Variants in LRRC9 observed in about 807,000 individuals in gnomAD.
The protein encoded by LRRC9 is leucine rich repeat containing 9.
LRRC9 carries 122 observed loss-of-function variants against 63.2 expected under a neutral mutation model. The observed-to-expected ratio is 1.93, with a 90% confidence interval of 1.67 to 2.24. The LOEUF is 2.24. Among genes scored for constraint, LRRC9 ranks in the 30% most tolerant of loss-of-function variants. The probability of loss-of-function intolerance (pLI) is 0.00; values close to 1 mark genes in which losing one functional copy is unlikely to be tolerated. For synonymous variants in LRRC9, 366 were observed against 213.1 expected, an observed-to-expected ratio of 1.72 and a Z score of -6.25; for missense variants, 1,071 against 627.7, an observed-to-expected ratio of 1.71 and a Z score of -7.55.
At chr14:59,935,691 T>C (rs564957573) in intron 6 of LRRC9, among the ~76,000 whole-genome samples, 3 of 152,154 alleles carry the variant, frequency 2.0e-5, no homozygotes, top group Non-Finnish European at 4.4e-5. Flanking sequence ...AAGACATCCT[T>C]GAGGAGCTAA....
chr14:59,992,232 C>A (rs1331640850), intron 17 of LRRC9, among the ~76,000 whole-genome samples: 1 of 152,196 alleles, frequency 6.6e-6, no homozygotes, highest in Admixed American at 6.5e-5. Context: ...CAAATTCCAA[C>A]AGACCTGCAG....
At chr14:59,992,938 A>G (rs1329459621) in intron 17 of LRRC9, among the ~76,000 whole-genome samples, 1 of 152,222 alleles carries the variant, frequency 6.6e-6, no homozygotes, top group Non-Finnish European at 1.5e-5. Context: ...CAACATTCAA[A>G]TTCAGGAAAT....
chr14:60,002,133 G>T, intron 20 of LRRC9, 33 bp downstream of exon 20: 1 of 672,882 alleles, frequency 1.5e-6, no homozygotes, highest in Non-Finnish European at 2.7e-6. Context: ...CTAATATAAA[G>T]CTTAATTTAA....
rs1356089351 is a variant in LRRC9 at position 59,930,371 on chromosome 14, A to G, written c.268-547A>G. Among the ~76,000 whole-genome samples the G allele has an allele frequency of 6.6e-6, 1 of 152,052 alleles. No homozygotes were observed. The highest frequency in any genetic ancestry group is 1.9e-4 in the East Asian group (1 of 5,204). Reference sequence around the variant, plus strand: ...TCAATAGCAGAAAACAACCATATGCACGAAGCTACTTGTTGCAGCATTATT... The same window carrying G: ...TCAATAGCAGAAAACAACCATATGCGCGAAGCTACTTGTTGCAGCATTATT... On this transcript the variant is annotated intron_variant, in intron 3 of 31. Coordinates refer to ENST00000445360, the Ensembl canonical transcript of LRRC9. This position sits in a 1 kb window ranked among gnomAD's most constrained non-coding sequence, Gnocchi z 4.9.
chr14:60,055,458 G>A (rs1267874060), intron 30 of LRRC9, among the ~76,000 whole-genome samples: 2 of 152,064 alleles, frequency 1.3e-5, no homozygotes, highest in African/African-American at 4.8e-5. Flanking sequence ...GTCACTTCTT[G>A]AAAAATGTAT....
chr14:59,955,023 T>A (rs943431800), intron 8 of LRRC9, among the ~76,000 whole-genome samples: 9 of 152,196 alleles, frequency 5.9e-5, no homozygotes, highest in Non-Finnish European at 1.2e-4. Flanking sequence ...AACTTTTTGA[T>A]GTGCTGCTGG....
At chr14:59,982,537 A>G (rs1887041695) in intron 16 of LRRC9, among the ~76,000 whole-genome samples, 1 of 152,204 alleles carries the variant, frequency 6.6e-6, no homozygotes, top group Non-Finnish European at 1.5e-5. Context: ...CAAGAGAGCC[A>G]GAGAGAGCTG....
At chr14:60,055,227 A>C (rs771776429) in intron 30 of LRRC9, among the ~76,000 whole-genome samples, 2 of 152,240 alleles carry the variant, frequency 1.3e-5, no homozygotes, top group Non-Finnish European at 2.9e-5. Flanking sequence ...TCATTCATGG[A>C]CTATATCTAC....
intron 12 of LRRC9, chr14:59,969,236 TTGGCATCCA>T (rs1885205368): frequency 6.6e-6 from 1 of 152,208 alleles, no homozygotes; most frequent in South Asian, 2.1e-4. Flanking sequence ...AAACTCTCCT[TTGGCATCCA>T]TGATATTACA....
intron 17 of LRRC9, among the ~76,000 whole-genome samples, chr14:59,994,788 A>G (rs1888561388): frequency 1.3e-5 from 2 of 149,974 alleles, no homozygotes; most frequent in Admixed American, 1.3e-4. Context: ...TCATGTCCTC[A>G]CTCACAAGTG....
chr14:59,959,792 G>A, intron 8 of LRRC9, 26 bp from the exon 9 acceptor site: 1 of 551,782 alleles, frequency 1.8e-6, no homozygotes, highest in South Asian at 2.5e-5. Flanking sequence ...TTTTTATTTT[G>A]CTCTCTGACA....
chr14:59,974,213 CTGATA>C (rs1212043239), intron 12 of LRRC9, among the ~76,000 whole-genome samples: 5 of 152,044 alleles, frequency 3.3e-5, no homozygotes, highest in African/African-American at 1.2e-4. Flanking sequence ...AGAATCTTCA[CTGATA>C]TAATACCTCA....
chr14:60,044,773 G>A (rs1339592577), intron 29 of LRRC9, among the ~76,000 whole-genome samples: 1 of 152,172 alleles, frequency 6.6e-6, no homozygotes, highest in Non-Finnish European at 1.5e-5. Flanking sequence ...GCAGTTGGGT[G>A]AAATGTTTAT....
intron 17 of LRRC9, among the ~76,000 whole-genome samples, 172 bp from the exon 18 acceptor site, chr14:59,997,484 G>C (rs1247483863): frequency 6.6e-6 from 1 of 152,060 alleles, no homozygotes. Flanking sequence ...AATACCTGTA[G>C]CTCTTTAGAC....
intron 1 of LRRC9, among the ~76,000 whole-genome samples, chr14:59,924,598 C>A (rs1889049541): frequency 6.6e-6 from 1 of 152,212 alleles, no homozygotes; most frequent in Non-Finnish European, 1.5e-5. Flanking sequence ...TAACTAGTCT[C>A]CCTGCTTTTG....
At chr14:59,998,187 C>A (rs937818379) in intron 18 of LRRC9, among the ~76,000 whole-genome samples, 2 of 151,746 alleles carry the variant, frequency 1.3e-5, no homozygotes, top group African/African-American at 4.8e-5. Flanking sequence ...TCATAGGAAC[C>A]AAGAATAATA....
intron 7 of LRRC9, among the ~76,000 whole-genome samples, chr14:59,941,601 C>T (rs1881773053): frequency 6.6e-6 from 1 of 151,866 alleles, no homozygotes; most frequent in African/African-American, 2.4e-5. Context: ...TTTAATTTGG[C>T]ATCTTGTATT....
chr14:59,982,003 T>G, exon 16 of LRRC9: 1 of 702,568 alleles, frequency 1.4e-6, no homozygotes, highest in Non-Finnish European at 2.6e-6. Flanking sequence ...AACTGATTAG[T>G]TTGGATGATA....
chr14:60,019,516 A>G (rs1890952241), intron 26 of LRRC9, among the ~76,000 whole-genome samples: 1 of 151,952 alleles, frequency 6.6e-6, no homozygotes, highest in Admixed American at 6.6e-5. Context: ...CCAAAAAACA[A>G]ACAAACAAAA....
Sources: gnomAD v4.1 joint callset for allele counts (sites outside exome capture counted in the v4.1 genomes callset) on GRCh38, gnomAD v4.1.1 for gene constraint, Gnocchi (gnomAD v3.1) non-coding constraint, MANE v1.5 for transcripts, NCBI Gene and HGNC (gene_info 2026-07-23, HGNC 2026-07-21) for gene names.